The following AGO3 variants were observed in gnomAD, a reference collection of about 807,000 sequenced individuals.
The protein encoded by AGO3 is protein argonaute-3.
AGO3 carries 16 observed loss-of-function variants against 105.5 expected under a neutral mutation model. The ratio of observed to expected loss-of-function variants is 0.15; its 90% CI spans 0.10 to 0.23. The LOEUF is 0.23. Ranked by LOEUF, AGO3 falls within the 10% of genes least tolerant of loss-of-function variation. The pLI is 1.00. For missense variants in AGO3, 534 were observed against 1,088.0 expected (o/e 0.49, Z 7.16); for synonymous variants, 340 against 367.3 (o/e 0.93, Z 0.85).
In AGO3 at chr1:36,048,372, G is replaced by A. The variant is rs138181931; in HGVS notation, c.2274+4824G>A. ...GAAATGAGGGAGAAATAGTATTTCC[G>A]AGACATGCATAAACTGAGGACATTT... On this transcript the variant is annotated intron_variant, in intron 17 of 18. Coordinates refer to ENST00000373191, the MANE Select transcript of AGO3 (RefSeq NM_024852.4). Among the ~76,000 whole-genome samples, 218 of 152,134 alleles carry A rather than the reference G, an allele frequency of 1.4e-3. 2 individuals carry two copies. The East Asian group carries it at 0.035, about 25-fold the overall frequency.
intron 2 of AGO3, among the ~76,000 whole-genome samples, chr1:35,966,324 T>A (rs1646773875): frequency 6.6e-6 from 1 of 152,216 alleles, no homozygotes; most frequent in South Asian, 2.1e-4. Flanking sequence ...ACGTATTGAT[T>A]TGTGAAAATT....
chr1:36,002,980 A>C (rs1640160473), intron 5 of AGO3, among the ~76,000 whole-genome samples: 2 of 152,158 alleles, frequency 1.3e-5, no homozygotes, highest in Admixed American at 1.3e-4. Flanking sequence ...CTGAGGCAGG[A>C]GAATTGCTTG....
At chr1:35,987,007 A>C (rs1647210358) in intron 5 of AGO3, among the ~76,000 whole-genome samples, 1 of 149,076 alleles carries the variant, frequency 6.7e-6, no homozygotes, top group Non-Finnish European at 1.5e-5. Flanking sequence ...AAAAAAAAAA[A>C]AGGAAAGAAA....
intron 8 of AGO3, 45 bp downstream of exon 8, chr1:36,009,089 C>CTTTTTTTTTTTTTTTTTTTTT: frequency 6.8e-7 from 1 of 1,474,648 alleles, no homozygotes; most frequent in East Asian, 4.1e-5. Context: ...GTTCATGATT[C>CTTTTTTTTTTTTTTTTTTTTT]TTTTGGGGTC....
intron 3 of AGO3, among the ~76,000 whole-genome samples, chr1:35,971,672 T>G (rs1428622577): frequency 6.6e-6 from 1 of 152,162 alleles, no homozygotes; most frequent in African/African-American, 2.4e-5. Flanking sequence ...TCCTCCTTTC[T>G]TACACAAAAG....
chr1:36,024,327 G>T (rs933303306), intron 11 of AGO3, among the ~76,000 whole-genome samples: 1 of 151,774 alleles, frequency 6.6e-6, no homozygotes, highest in Non-Finnish European at 1.5e-5. Context: ...TGTATAGATA[G>T]GATCTCACTA....
intron 1 of AGO3, among the ~76,000 whole-genome samples, chr1:35,933,762 A>T (rs113248328): frequency 3.0e-4 from 45 of 150,650 alleles, no homozygotes; most frequent in Admixed American, 2.9e-3. Flanking sequence ...TGGCTTTCCA[A>T]TTCTGCCATA....
At chr1:35,978,397 G>A (rs1028736826) in intron 5 of AGO3, among the ~76,000 whole-genome samples, 2 of 152,118 alleles carry the variant, frequency 1.3e-5, no homozygotes, top group African/African-American at 4.8e-5. Context: ...TCACCATGTT[G>A]GTCAGGCTGG....
At position 36,048,430 on chromosome 1, in the gene AGO3, C is replaced by T. The variant is rs565316855; in HGVS notation, c.2274+4882C>T. ...CTAGATTCGACCTATAGGAAATGTTCGAGGGAGGCAAAAAGTCAATAATCA... is the reference window on the plus strand; with the variant it reads ...CTAGATTCGACCTATAGGAAATGTTTGAGGGAGGCAAAAAGTCAATAATCA... On this transcript the variant is annotated intron_variant, in intron 17 of 18. Coordinates refer to ENST00000373191, the MANE Select transcript of AGO3 (RefSeq NM_024852.4). Among the ~76,000 whole-genome samples, 37 of 151,926 alleles carry T rather than the reference C, an allele frequency of 2.4e-4. 1 individual carries two copies. Among genetic ancestry groups the T allele is most frequent in the Admixed American group, 1.8e-3 (28 of 15,258 alleles).
At chr1:35,971,046 T>TA (rs1557657826) in intron 3 of AGO3, among the ~76,000 whole-genome samples, 28 of 123,480 alleles carry the variant, frequency 2.3e-4, no homozygotes, top group African/African-American at 7.2e-4. Flanking sequence ...ATATATATAT[T>TA]TTTTATTATA....
At chr1:35,993,582 A>T (rs1056734871) in intron 5 of AGO3, among the ~76,000 whole-genome samples, 1 of 152,142 alleles carries the variant, frequency 6.6e-6, no homozygotes, top group African/African-American at 2.4e-5. Flanking sequence ...GAATAGCCCT[A>T]TATCAAAGAA....
chr1:36,064,863 A>G lies in AGO3; in HGVS notation c.*9118A>G, dbSNP rs1261966305. The G allele has an allele frequency of 1.3e-5, 2 of 152,124 alleles. No individual in the cohort carries two copies. Among genetic ancestry groups the G allele is most frequent in the African/African-American group, 4.8e-5 (2 of 41,402 alleles). The allele number at this position is 152,124 out of a possible 1,614,324, so 9.4% of individuals were successfully genotyped here. On this transcript the variant is annotated 3_prime_UTR_variant, in exon 19 of 19. Coordinates refer to ENST00000373191, the MANE Select transcript of AGO3 (RefSeq NM_024852.4). ...CTGATTATAAGAATTTGTTACTACT[A>G]ATTAAAAGCAAATTAATGTGGCTGG...
At chr1:36,019,498 C>CT (rs756435469) in intron 11 of AGO3, among the ~76,000 whole-genome samples, 50 of 152,182 alleles carry the variant, frequency 3.3e-4, no homozygotes, top group Non-Finnish European at 6.3e-4. Flanking sequence ...CAGCAATGTT[C>CT]TATGAGAGAA....
At chr1:36,045,294 T>C (rs2148854907) in intron 17 of AGO3, among the ~76,000 whole-genome samples, 1 of 152,186 alleles carries the variant, frequency 6.6e-6, no homozygotes, top group South Asian at 2.1e-4. Context: ...TGATCTTGGC[T>C]CACTGCAACC....
At chr1:36,053,026 A>C (rs648973) in intron 17 of AGO3, among the ~76,000 whole-genome samples, 31,484 of 152,008 alleles carry the variant, frequency 0.21, 7,456 homozygotes, top group East Asian at 0.68. Flanking sequence ...TGTTTCCTCC[A>C]GTATTTAATA....
At chr1:35,933,832 T>C (rs1646099976) in intron 1 of AGO3, among the ~76,000 whole-genome samples, 1 of 152,150 alleles carries the variant, frequency 6.6e-6, no homozygotes, top group Non-Finnish European at 1.5e-5. Context: ...TTTTAAATTC[T>C]AGTTGCTCGG....
chr1:35,981,443 C>T (rs1395336539), intron 5 of AGO3, among the ~76,000 whole-genome samples: 1 of 152,124 alleles, frequency 6.6e-6, no homozygotes, highest in Non-Finnish European at 1.5e-5. Context: ...TCTCCTATGC[C>T]TCTCAGTAAC....
At chr1:36,049,663 T>C (rs1300876277) in intron 17 of AGO3, among the ~76,000 whole-genome samples, 2 of 152,140 alleles carry the variant, frequency 1.3e-5, no homozygotes, top group Non-Finnish European at 2.9e-5. Flanking sequence ...CTATGAGAAA[T>C]TCACTTCACC....
chr1:35,973,542 G>A, intron 5 of AGO3, 31 bp downstream of exon 5: 1 of 1,456,206 alleles, frequency 6.9e-7, no homozygotes, highest in Non-Finnish European at 9.2e-7. Context: ...TTCTGTATTG[G>A]GTGGTGGATT....
Sources: gnomAD v4.1 joint callset for allele counts (sites outside exome capture counted in the v4.1 genomes callset) on GRCh38, gnomAD v4.1.1 for gene constraint, MANE v1.5 for transcripts, NCBI Gene and HGNC (gene_info 2026-07-23, HGNC 2026-07-21) for gene names.